Variants in DEPTOR observed in about 807,000 individuals in gnomAD.
DEPTOR encodes the protein DEP domain containing MTOR interacting protein.
In DEPTOR, 41 loss-of-function variants were observed where a neutral mutation model predicts 41.6. That is an observed-to-expected ratio of 0.98 (90% confidence interval 0.77 to 1.28). The LOEUF (loss-of-function observed/expected upper bound fraction) is 1.28, where lower values mean the gene tolerates loss of function less well. Ranked by LOEUF, DEPTOR falls within the 50% of genes most tolerant of loss-of-function variation. The pLI is 0.00. For missense variants in DEPTOR, 514 were observed against 527.9 expected, an observed-to-expected ratio of 0.97 and a Z score of 0.26; for synonymous variants, 195 against 192.3, an observed-to-expected ratio of 1.01 and a Z score of -0.12.
At chr8:119,993,352 A>G (rs4871824) in intron 4 of DEPTOR, among the ~76,000 whole-genome samples, 107,151 of 152,064 alleles carry the variant, frequency 0.7, 37,862 homozygotes, top group Middle Eastern at 0.8. Context: ...TTCTGGCTAC[A>G]TCTGCTTTTC....
intron 4 of DEPTOR, among the ~76,000 whole-genome samples, chr8:119,970,264 T>C (rs1828615572): frequency 1.3e-5 from 2 of 152,240 alleles, no homozygotes; most frequent in Admixed American, 6.5e-5. Flanking sequence ...ATATTTAATA[T>C]GTGTGTGCTT....
intron 1 of DEPTOR, among the ~76,000 whole-genome samples, chr8:119,907,476 A>G (rs530924330): frequency 6.6e-6 from 1 of 152,324 alleles, no homozygotes; most frequent in East Asian, 1.9e-4. Flanking sequence ...ATCAAGAAAT[A>G]GAAAGAAATA....
At chr8:120,040,118 A>G (rs773191080) in intron 8 of DEPTOR, among the ~76,000 whole-genome samples, 10 of 152,068 alleles carry the variant, frequency 6.6e-5, no homozygotes, top group Non-Finnish European at 1.5e-4. Context: ...TTCTGGTATT[A>G]CAGGCATGAG....
At chr8:119,993,715 C>T (rs1356257317) in intron 4 of DEPTOR, among the ~76,000 whole-genome samples, 1 of 152,132 alleles carries the variant, frequency 6.6e-6, no homozygotes, top group African/African-American at 2.4e-5. Flanking sequence ...CAGGCACAAA[C>T]TGTTCCCCAT....
chr8:120,041,539 CTTT>C (rs72420732), intron 8 of DEPTOR, among the ~76,000 whole-genome samples: 2 of 151,862 alleles, frequency 1.3e-5, no homozygotes, highest in Non-Finnish European at 2.9e-5. Context: ...GTTCTTATAA[CTTT>C]TTTTTAAATT....
At chr8:120,011,389 C>T (rs569680217) in intron 8 of DEPTOR, among the ~76,000 whole-genome samples, 1 of 152,258 alleles carries the variant, frequency 6.6e-6, no homozygotes, top group Admixed American at 6.5e-5. Context: ...AGGCACAGCA[C>T]CAAAGCAACT....
Position 119,965,304 on chromosome 8 carries a change from GGC to G in DEPTOR, c.499_500del (p.Ala167IlefsTer2), listed in dbSNP as rs780128392. The G allele has an allele frequency of 3.3e-5, 54 of 1,614,000 alleles. 4 individuals are homozygous for G. Among genetic ancestry groups the G allele is most frequent in the Non-Finnish European group, 1.7e-6 (2 of 1,180,026 alleles). ...GGGTCAAGTATGAGCGCACCTTCAT[GGC>G]ATCTGAATTCCTGGACTGGCTGGTT... ...EGVKYERTFM[A>X]SEFLDWLVQE... On this transcript the variant is annotated frameshift_variant, in exon 4 of 9. Transcript: ENST00000286234. LOFTEE classifies it high-confidence loss of function.
chr8:119,974,235 TAAAAAAAAAAAAA>T lies in DEPTOR; in HGVS notation c.604+8841_604+8853del, dbSNP rs35885551. Among the ~76,000 whole-genome samples, 351 of 74,942 alleles carry T rather than the reference TAAAAAAAAAAAAA, an allele frequency of 4.7e-3. 1 individual carries two copies. The Middle Eastern group carries it at 0.059, about 13-fold the overall frequency. The allele number at this position is 74,942 out of a possible 152,430, so 49.2% of individuals were successfully genotyped here. On this transcript the variant is annotated intron_variant, in intron 4 of 8. Coordinates refer to ENST00000286234, the MANE Select transcript of DEPTOR (RefSeq NM_022783.4). ...GAAACATAGTGAGATCTTGTCTCTT[TAAAAAAAAAAAAA>T]AAAAAAAAAAAAAAAGAGAAAGAAG...
At chr8:120,016,861 A>C (rs937122023) in intron 8 of DEPTOR, among the ~76,000 whole-genome samples, 1 of 152,036 alleles carries the variant, frequency 6.6e-6, no homozygotes, top group African/African-American at 2.4e-5. Flanking sequence ...ACCTCAGGAT[A>C]CCAAAATCTC....
Position 119,873,955 on chromosome 8 carries a change from G to T in DEPTOR, c.109G>T (p.Gly37Trp). Residue 37 changes from glycine to tryptophan, a missense_variant, in exon 1 of 9, where the codon GGG becomes TGG. Coordinates refer to ENST00000286234, the MANE Select transcript of DEPTOR (RefSeq NM_022783.4). Reference protein sequence around the residue: ...LERMAEVLVTGEQLRLRLHEE... With the variant: ...LERMAEVLVTWEQLRLRLHEE... ...GCGCATGGCTGAGGTCTTGGTCACC[G>T]GGGAACAGCTACGGTAAGGCAAGAG... The T allele has an allele frequency of 1.2e-6, 2 of 1,613,536 alleles. No homozygotes were observed. The highest frequency in any genetic ancestry group is 1.7e-6 in the Non-Finnish European group (2 of 1,179,768).
chr8:119,942,498 G>A (rs1301913022), intron 3 of DEPTOR, among the ~76,000 whole-genome samples: 6 of 152,106 alleles, frequency 3.9e-5, no homozygotes, highest in African/African-American at 1.2e-4. Flanking sequence ...GAGCCACCGC[G>A]TCCGGCCGTG....
chr8:120,045,128 G>A (rs139474760), intron 8 of DEPTOR, among the ~76,000 whole-genome samples: 1 of 152,296 alleles, frequency 6.6e-6, no homozygotes, highest in African/African-American at 2.4e-5. Context: ...AAGAAGGTTT[G>A]TGTGAAATGA....
intron 1 of DEPTOR, among the ~76,000 whole-genome samples, chr8:119,896,252 T>G (rs1212218350): frequency 6.6e-6 from 1 of 152,146 alleles, no homozygotes; most frequent in Non-Finnish European, 1.5e-5. Flanking sequence ...ATTAGTCCCA[T>G]TTTAGAAATG....
intron 8 of DEPTOR, among the ~76,000 whole-genome samples, chr8:120,015,936 A>G (rs1812604617): frequency 6.6e-6 from 1 of 152,152 alleles, no homozygotes; most frequent in Non-Finnish European, 1.5e-5. Flanking sequence ...GGGGGCGGCC[A>G]TGTTGCCAGG....
At chr8:119,983,331 A>G (rs890150669) in intron 4 of DEPTOR, among the ~76,000 whole-genome samples, 3 of 151,768 alleles carry the variant, frequency 2.0e-5, no homozygotes, top group African/African-American at 4.8e-5. Flanking sequence ...GCTTACTGCA[A>G]CCGAGTAGCT....
intron 3 of DEPTOR, among the ~76,000 whole-genome samples, chr8:119,937,726 C>T (rs1828132567): frequency 1.3e-5 from 2 of 152,132 alleles, no homozygotes; most frequent in Non-Finnish European, 1.5e-5. Flanking sequence ...AAAGACAGCT[C>T]ATTACTCTCA....
chr8:119,943,216 C>A (rs1051106366), intron 3 of DEPTOR, among the ~76,000 whole-genome samples: 4 of 152,184 alleles, frequency 2.6e-5, no homozygotes, highest in African/African-American at 9.7e-5. Context: ...CGTATTTATT[C>A]CCCTGCTTCC....
intron 4 of DEPTOR, among the ~76,000 whole-genome samples, chr8:119,992,037 C>G (rs1812181288): frequency 1.3e-5 from 2 of 152,170 alleles, no homozygotes; most frequent in African/African-American, 4.8e-5. Context: ...AATTTACTCA[C>G]CTTCTAGAAA....
In DEPTOR at chr8:120,002,790, A is replaced by AT. The variant is rs1246905697; in HGVS notation, c.791-187_791-186insT. ...AGACTCCATCTCAAAAAAAAAAAAA[A>AT]AATATATATATATATATATATAATA... On this transcript the variant is annotated intron_variant, in intron 5 of 8. Coordinates refer to ENST00000286234, the MANE Select transcript of DEPTOR (RefSeq NM_022783.4). Among the ~76,000 whole-genome samples, 118 of 100,136 alleles carry AT rather than the reference A, an allele frequency of 1.2e-3. No individual in the cohort carries two copies. The South Asian group carries it at 0.018, about 15-fold the overall frequency. 65.7% of individuals were successfully genotyped at this position (100,136 alleles called of 152,430 possible). A position where few individuals can be genotyped will look rare whatever the true frequency, so the allele number is the denominator to read the frequency against.
Sources: gnomAD v4.1 joint callset for allele counts (sites outside exome capture counted in the v4.1 genomes callset) on GRCh38, gnomAD v4.1.1 for gene constraint, MANE v1.5 for transcripts, NCBI Gene and HGNC (gene_info 2026-07-23, HGNC 2026-07-21) for gene names.